Variants in ENTREP2 observed in about 807,000 individuals in gnomAD.
ENTREP2 encodes the protein protein ENTREP2.
At chr15:29,543,652 A>G in the ENTREP2 span, among the ~76,000 whole-genome samples, 65,825 of 151,458 alleles carry the variant, frequency 0.43, 15,082 homozygotes, top group African/African-American at 0.59. Context: ...GGTGGCGGGC[A>G]CCTGTGGTCC....
chr15:29,297,844 C>T, the ENTREP2 span, among the ~76,000 whole-genome samples: 1 of 152,188 alleles, frequency 6.6e-6, no homozygotes, highest in South Asian at 2.1e-4. Context: ...AAAAATGACC[C>T]ATTAAGATAA....
chr15:29,480,352 A>C, the ENTREP2 span, among the ~76,000 whole-genome samples: 2 of 146,230 alleles, frequency 1.4e-5, no homozygotes, highest in Non-Finnish European at 3.0e-5. Context: ...AAAAAAAAAA[A>C]AAAAAAAAAA....
the ENTREP2 span, among the ~76,000 whole-genome samples, chr15:29,335,658 G>A: frequency 2.6e-5 from 4 of 152,162 alleles, no homozygotes; most frequent in Non-Finnish European, 5.9e-5. Flanking sequence ...AGTAGGGCCA[G>A]GGGTCGCTGC....
chr15:29,456,453 G>A, the ENTREP2 span, among the ~76,000 whole-genome samples: 8 of 152,170 alleles, frequency 5.3e-5, no homozygotes, highest in Admixed American at 1.3e-4. Flanking sequence ...GGATGGGGGT[G>A]ACGTCAAGGC....
chr15:29,204,749 A>C, the ENTREP2 span, among the ~76,000 whole-genome samples: 2 of 152,164 alleles, frequency 1.3e-5, no homozygotes, highest in Non-Finnish European at 2.9e-5. Context: ...TAGAAACTAG[A>C]CCCTAAGTTT....
the ENTREP2 span, among the ~76,000 whole-genome samples, chr15:29,606,006 G>A: frequency 6.6e-6 from 1 of 151,728 alleles, no homozygotes; most frequent in Non-Finnish European, 1.5e-5. Flanking sequence ...CACCATAAGT[G>A]ACATTAATCT....
the ENTREP2 span, among the ~76,000 whole-genome samples, chr15:29,463,804 A>T: frequency 6.6e-6 from 1 of 152,036 alleles, no homozygotes; most frequent in South Asian, 2.1e-4. Context: ...TGGAAATAAC[A>T]TAAGTGTCCA....
the ENTREP2 span, among the ~76,000 whole-genome samples, chr15:29,663,982 C>T: frequency 2.0e-5 from 3 of 150,608 alleles, no homozygotes; most frequent in Non-Finnish European, 2.9e-5. Flanking sequence ...GAGCCGAGAT[C>T]GCGCCATTGC....
At chr15:29,419,693 G>A in the ENTREP2 span, among the ~76,000 whole-genome samples, 2 of 152,088 alleles carry the variant, frequency 1.3e-5, no homozygotes, top group Admixed American at 6.5e-5. Flanking sequence ...AGCAGCAAAG[G>A]AGCAGATCTG....
the ENTREP2 span, among the ~76,000 whole-genome samples, chr15:29,556,929 C>T: frequency 6.6e-6 from 1 of 152,168 alleles, no homozygotes; most frequent in African/African-American, 2.4e-5. Context: ...CATCCCATGG[C>T]CAAAGGGGTG....
chr15:29,295,306 G>A, the ENTREP2 span, among the ~76,000 whole-genome samples: 2 of 152,202 alleles, frequency 1.3e-5, no homozygotes, highest in African/African-American at 4.8e-5. Flanking sequence ...TGGCCTCAGG[G>A]AGGGCCAGGT....
the ENTREP2 span, among the ~76,000 whole-genome samples, chr15:29,429,854 TC>T: frequency 6.6e-6 from 1 of 151,068 alleles, no homozygotes; most frequent in Non-Finnish European, 1.5e-5. Flanking sequence ...AGGGAAGGAG[TC>T]CCAGTTCAAG....
chr15:29,394,499 A>G, the ENTREP2 span, among the ~76,000 whole-genome samples: 1 of 152,246 alleles, frequency 6.6e-6, no homozygotes, highest in Non-Finnish European at 1.5e-5. Flanking sequence ...AAAGAACAGA[A>G]TATAATGTCC....
chr15:29,598,738 C>G, the ENTREP2 span, among the ~76,000 whole-genome samples: 1 of 151,886 alleles, frequency 6.6e-6, no homozygotes. Context: ...GCTTTGTCGC[C>G]CAGGCTGGAG....
the ENTREP2 span, among the ~76,000 whole-genome samples, chr15:29,629,243 T>C: frequency 6.6e-6 from 1 of 152,018 alleles, no homozygotes; most frequent in Non-Finnish European, 1.5e-5. Flanking sequence ...ATTCTTCCAA[T>C]CTCTGTTTTT....
At chr15:29,220,011 GAAAAATAAAAAAT>G in the ENTREP2 span, among the ~76,000 whole-genome samples, 2 of 151,910 alleles carry the variant, frequency 1.3e-5, no homozygotes, top group South Asian at 4.2e-4. Flanking sequence ...ATAACTTATG[GAAAAATAAAAAAT>G]AAAAATAAAA....
the ENTREP2 span, among the ~76,000 whole-genome samples, chr15:29,180,927 A>G: frequency 6.6e-6 from 1 of 152,014 alleles, no homozygotes; most frequent in African/African-American, 2.4e-5. Flanking sequence ...GAAAAAGAAA[A>G]AGGAATTTGG....
chr15:29,305,209 T>C, the ENTREP2 span, among the ~76,000 whole-genome samples: 1 of 152,226 alleles, frequency 6.6e-6, no homozygotes, highest in Non-Finnish European at 1.5e-5. Context: ...AAATTTTTCA[T>C]TTAAATTCTC....
At chr15:29,345,876 G>A in the ENTREP2 span, among the ~76,000 whole-genome samples, 1 of 152,210 alleles carries the variant, frequency 6.6e-6, no homozygotes, top group African/African-American at 2.4e-5. Context: ...GTCCCCGTGA[G>A]GCAAGATGAT....
Sources: gnomAD v4.1 joint callset for allele counts (sites outside exome capture counted in the v4.1 genomes callset) on GRCh38, gnomAD v4.1.1 for gene constraint, MANE v1.5 for transcripts, NCBI Gene and HGNC (gene_info 2026-07-23, HGNC 2026-07-21) for gene names.